AHNAK: variants seen among roughly 807,000 people sequenced by gnomAD.
AHNAK encodes the protein AHNAK nucleoprotein, also known as neuroblast differentiation-associated protein AHNAK.
In AHNAK, 23 loss-of-function variants were observed where a neutral mutation model predicts 37.8. That is an observed-to-expected ratio of 0.61 (90% CI 0.44 to 0.86). The LOEUF is 0.86. Ranked by LOEUF, AHNAK falls within the 40% of genes least tolerant of loss-of-function variation. The pLI, the probability that AHNAK is intolerant of heterozygous loss-of-function variation, is 0.00. For synonymous variants in AHNAK, 2,481 were observed against 2,636.3 expected (o/e 0.94, Z 1.80); for missense variants, 7,411 against 7,319.4 (o/e 1.01, Z -0.46).
At chr11:62,537,820 T>C (rs1941000523) in intron 1 of AHNAK, among the ~76,000 whole-genome samples, 1 of 151,862 alleles carries the variant, frequency 6.6e-6, no homozygotes, top group Non-Finnish European at 1.5e-5. Context: ...GTAGCTGGGA[T>C]TACAGGCGCC....
Position 62,524,588 on chromosome 11 carries a change from T to C in AHNAK, c.9829A>G (p.Lys3277Glu). ...IDIHGPDAKL[K>E]GPKLKMPDMH... ...TCAGGCATCTTCAGTTTTGGACCTTTTAATTTGGCATCTGGGCCATGAATG... is the reference window on the plus strand; with the variant it reads ...TCAGGCATCTTCAGTTTTGGACCTTCTAATTTGGCATCTGGGCCATGAATG... The change falls in exon 5 of 5, where the codon AAA becomes GAA. Residue 3277 changes from lysine (K) to glutamate (E), a missense_variant. Transcript: ENST00000378024. 1 of 1,613,930 alleles carries C rather than the reference T, an allele frequency of 6.2e-7. No individual in the cohort carries two copies. Among genetic ancestry groups the C allele is most frequent in the Non-Finnish European group, 8.5e-7 (1 of 1,179,958 alleles).
At chr11:62,538,794 A>G (rs1941033891) in intron 1 of AHNAK, among the ~76,000 whole-genome samples, 1 of 152,254 alleles carries the variant, frequency 6.6e-6, no homozygotes, top group Non-Finnish European at 1.5e-5. Context: ...TTGCCGCAGA[A>G]TATTCCAGAA....
Position 62,529,301 on chromosome 11 carries a change from G to C in AHNAK, c.5116C>G (p.Pro1706Ala). 6.2e-7 allele frequency: 1 copy of C among 1,614,068 alleles called. No individual in the cohort carries two copies. Among genetic ancestry groups the C allele is most frequent in the South Asian group, 1.1e-5 (1 of 91,060 alleles). ...IDAPDVEVHD[P>A]DWHLKMPKMK... Reference sequence around the variant, plus strand: ...TTGGGCATTTTCAGGTGCCAATCTGGGTCGTGAACCTCCACATCTGGGGCA... The same window carrying C: ...TTGGGCATTTTCAGGTGCCAATCTGCGTCGTGAACCTCCACATCTGGGGCA... The change falls in exon 5 of 5, where the codon CCA becomes GCA. Residue 1706 changes from proline (P) to alanine (A), a missense_variant. Physicochemically the swap from Pro to Ala is conservative, Grantham distance 27. Transcript: ENST00000378024.
At position 62,532,558 on chromosome 11, in the gene AHNAK, T is replaced by C. The variant is rs748715949; in HGVS notation, c.1859A>G (p.His620Arg). The change falls in exon 5 of 5, where the codon CAT becomes CGT. Residue 620 changes from histidine (H) to arginine (R), a missense_variant. Coordinates refer to ENST00000378024, the MANE Select transcript of AHNAK (RefSeq NM_001620.3). ...CATTTTCAGGTTCCATTCTGGGCCA[T>C]GCGCTTCGACATCTGGGGCACTGAC... Reference protein sequence around the residue: ...VDVSAPDVEAHGPEWNLKMPK... With the variant: ...VDVSAPDVEARGPEWNLKMPK... 3 of 1,614,060 alleles carry C rather than the reference T, an allele frequency of 1.9e-6. No individual in the cohort carries two copies. The highest frequency in any genetic ancestry group is 2.7e-5 in the African/African-American group (2 of 74,916).
At chr11:62,499,301 C>T (rs553642734) in intron 4 of AHNAK, among the ~76,000 whole-genome samples, 1 of 152,316 alleles carries the variant, frequency 6.6e-6, no homozygotes, top group African/African-American at 2.4e-5. Context: ...GTAATCCCAG[C>T]ACTTTGGGAG....
At chr11:62,471,841 G>GGCA (rs1333884264) in intron 5 of AHNAK, among the ~76,000 whole-genome samples, 1 of 152,000 alleles carries the variant, frequency 6.6e-6, no homozygotes, top group East Asian at 1.9e-4. Context: ...GAAAGAGAAT[G>GGCA]GCAGAGAGAA....
chr11:62,522,960 T>C lies in AHNAK; in HGVS notation c.11457A>G (p.Gly3819=). 6.2e-7 allele frequency: 1 copy of C among 1,613,532 alleles called. No homozygotes were observed. Residue 3819 remains glycine, a synonymous_variant, in exon 5 of 5, where the codon GGA becomes GGG. Coordinates refer to ENST00000378024, the MANE Select transcript of AHNAK (RefSeq NM_001620.3). Reference sequence around the variant, plus strand: ...GGTTCACATCCACATCTGGGCCCTCTCCTTTGAAGCCAGGCATGCTGAACT... The same window carrying C: ...GGTTCACATCCACATCTGGGCCCTCCCCTTTGAAGCCAGGCATGCTGAACT... The part of the protein sequence containing the change: ...MPKFSMPGFK[G]EGPDVDVNLP...
intron 5 of AHNAK, among the ~76,000 whole-genome samples, chr11:62,453,658 C>T (rs1200133770): frequency 3.9e-5 from 6 of 152,148 alleles, no homozygotes; most frequent in African/African-American, 7.2e-5. Context: ...GGGTGGGTGA[C>T]TTGAGGAGCC....
intron 5 of AHNAK, among the ~76,000 whole-genome samples, chr11:62,477,726 C>T (rs1012730064): frequency 2.0e-5 from 3 of 151,642 alleles, no homozygotes; most frequent in Non-Finnish European, 4.4e-5. Context: ...CACTTGAACC[C>T]GGGAGGCGGA....
At chr11:62,490,491 G>A (rs112140781) in intron 5 of AHNAK, among the ~76,000 whole-genome samples, 14 of 152,096 alleles carry the variant, frequency 9.2e-5, no homozygotes, top group Admixed American at 2.0e-4. Flanking sequence ...GTCAGCCACC[G>A]CACCAGGCTG....
At chr11:62,434,151 G>A (rs1056355542) in intron 5 of AHNAK, among the ~76,000 whole-genome samples, 8 of 152,136 alleles carry the variant, frequency 5.3e-5, no homozygotes, top group African/African-American at 1.9e-4. Context: ...TAAAGCCCGA[G>A]TCTGTCCTTT....
chr11:62,540,504 T>C (rs1941087367), intron 1 of AHNAK, among the ~76,000 whole-genome samples: 1 of 151,940 alleles, frequency 6.6e-6, no homozygotes, highest in Non-Finnish European at 1.5e-5. Flanking sequence ...ACAGCCTCCC[T>C]CGTGATAGCA....
intron 1 of AHNAK, among the ~76,000 whole-genome samples, chr11:62,540,722 A>G (rs369958077): frequency 1.4e-4 from 22 of 152,188 alleles, no homozygotes; most frequent in South Asian, 6.2e-4. Flanking sequence ...AAGGCAGAAG[A>G]CTGCTTGGAG....
intron 5 of AHNAK, among the ~76,000 whole-genome samples, chr11:62,458,006 C>G (rs148731973): frequency 6.6e-6 from 1 of 151,610 alleles, no homozygotes; most frequent in Non-Finnish European, 1.5e-5. Context: ...CTCCACCTCC[C>G]GGTTTCCAGC....
intron 5 of AHNAK, among the ~76,000 whole-genome samples, chr11:62,440,293 T>A (rs985865339): frequency 1.3e-5 from 2 of 151,916 alleles, no homozygotes; most frequent in Non-Finnish European, 2.9e-5. Context: ...AGGGAGAGGA[T>A]GTGTCAGAGC....
intron 4 of AHNAK, among the ~76,000 whole-genome samples, chr11:62,503,151 C>T (rs550255952): frequency 1.3e-5 from 2 of 152,294 alleles, no homozygotes; most frequent in South Asian, 2.1e-4. Flanking sequence ...GGGGACACGC[C>T]CTGACTCCCA....
chr11:62,536,113 G>C lies in AHNAK; in HGVS notation c.1-15C>G. ...TCCTTCTCCATCTGGAATGAGGTGA[G>C]GAAATGGAACTGGGGTCAGTGGGGG... is the stretch of plus-strand genomic sequence containing the variant. On this transcript the variant is annotated splice_polypyrimidine_tract_variant and intron_variant, in intron 2 of 4. Transcript: ENST00000378024. 1 of 1,557,288 alleles carries C rather than the reference G, an allele frequency of 6.4e-7. No homozygotes were observed. Among genetic ancestry groups the C allele is most frequent in the East Asian group, 2.3e-5 (1 of 42,650 alleles).
chr11:62,480,628 T>C (rs1413625068), intron 5 of AHNAK, among the ~76,000 whole-genome samples: 3 of 150,182 alleles, frequency 2.0e-5, no homozygotes, highest in Non-Finnish European at 4.4e-5. Context: ...GCCATTGCAC[T>C]CCAGCCTGGG....
intron 5 of AHNAK, among the ~76,000 whole-genome samples, chr11:62,464,558 C>A (rs1451089562): frequency 1.3e-5 from 2 of 151,974 alleles, no homozygotes; most frequent in Non-Finnish European, 2.9e-5. Flanking sequence ...GTCCCAGCTA[C>A]TCAGGAGGCT....
Sources: gnomAD v4.1 joint callset for allele counts (sites outside exome capture counted in the v4.1 genomes callset) on GRCh38, gnomAD v4.1.1 for gene constraint, MANE v1.5 for transcripts, NCBI Gene and HGNC (gene_info 2026-07-23, HGNC 2026-07-21) for gene names.